STON2: variants seen among roughly 807,000 people sequenced by gnomAD.
The protein encoded by STON2 is stonin-2.
STON2 carries 29 observed loss-of-function variants against 65.7 expected under a neutral mutation model. The ratio of observed to expected loss-of-function variants is 0.44; its 90% confidence interval spans 0.33 to 0.60. The LOEUF is 0.60. Among genes scored for constraint, STON2 ranks in the 20% least tolerant of loss-of-function variants. STON2 has a pLI of 0.03. For synonymous variants in STON2, 404 were observed against 414.2 expected, an observed-to-expected ratio of 0.98 and a Z score of 0.30; for missense variants, 1,054 against 1,118.1, an observed-to-expected ratio of 0.94 and a Z score of 0.82.
intron 5 of STON2, among the ~76,000 whole-genome samples, chr14:81,321,665 G>A (rs938870886): frequency 9.2e-5 from 14 of 152,184 alleles, no homozygotes. Flanking sequence ...GTTGCCTTAG[G>A]AAAGCCAAAT....
rs79881390 is a variant in STON2 at position 81,276,454 on chromosome 14, G to A, written c.2581+447C>T. Among the ~76,000 whole-genome samples, 1,501 of 152,260 alleles carry A rather than the reference G, an allele frequency of 9.9e-3. 25 individuals are homozygous for A. The highest frequency in any genetic ancestry group is 0.035 in the African/African-American group (1,441 of 41,556). On this transcript the variant is annotated intron_variant, in intron 6 of 7. Transcript: ENST00000614646. ...GACCCTGCACAGGGTAGCTGGAGTC[G>A]TAAAATTAACCTCTCAGTGTATTGT... is the stretch of plus-strand genomic sequence containing the variant.
At chr14:81,319,289 T>TA (rs1297226686) in intron 5 of STON2, among the ~76,000 whole-genome samples, 2 of 152,252 alleles carry the variant, frequency 1.3e-5, no homozygotes, top group African/African-American at 2.4e-5. Flanking sequence ...TTTGTTTTCT[T>TA]ACTACATTAT....
intron 5 of STON2, among the ~76,000 whole-genome samples, chr14:81,313,532 T>C (rs1313282433): frequency 1.3e-5 from 2 of 151,082 alleles, no homozygotes; most frequent in African/African-American, 2.4e-5. Context: ...TGGTGGCTCA[T>C]GCCTGTAATC....
Position 81,265,074 on chromosome 14 carries a change from C to CCA in STON2, c.*3338_*3339dup, listed in dbSNP as rs982836485. ...TATTGATAACAAAGATTATTTGTGA[C>CCA]CACAAAAAAAAAAAATAAAAAGTCC... On this transcript the variant is annotated 3_prime_UTR_variant, in exon 8 of 8. Coordinates refer to ENST00000614646, the MANE Select transcript of STON2 (RefSeq NM_001394390.1). 2 of 980,988 alleles carry CCA rather than the reference C, an allele frequency of 2.0e-6. No homozygotes were observed. The highest frequency in any genetic ancestry group is 3.5e-5 in the African/African-American group (2 of 56,476). 60.8% of individuals were successfully genotyped at this position (980,988 alleles called of 1,614,324 possible).
chr14:81,350,799 G>A (rs564967343), intron 4 of STON2, among the ~76,000 whole-genome samples: 66 of 152,150 alleles, frequency 4.3e-4, no homozygotes, highest in African/African-American at 1.3e-3. Flanking sequence ...ATAAACACTC[G>A]CGGGGGTACT....
intron 3 of STON2, among the ~76,000 whole-genome samples, chr14:81,387,277 T>C (rs907865549): frequency 6.6e-6 from 1 of 152,052 alleles, no homozygotes; most frequent in Non-Finnish European, 1.5e-5. Context: ...TTTTTCACCA[T>C]ACAACCTTAA....
chr14:81,337,221 G>A (rs1897406490), intron 4 of STON2, among the ~76,000 whole-genome samples: 1 of 152,140 alleles, frequency 6.6e-6, no homozygotes, highest in Non-Finnish European at 1.5e-5. Context: ...ATACTACTAT[G>A]GGTAACATGT....
intron 3 of STON2, among the ~76,000 whole-genome samples, chr14:81,381,615 C>T (rs1372356670): frequency 6.6e-6 from 1 of 152,152 alleles, no homozygotes; most frequent in Non-Finnish European, 1.5e-5. Context: ...GATCCTGTTA[C>T]CCTTCCCCCT....
At chr14:81,393,608 A>G (rs1283519259) in intron 3 of STON2, among the ~76,000 whole-genome samples, 2 of 152,222 alleles carry the variant, frequency 1.3e-5, no homozygotes, top group African/African-American at 4.8e-5. Flanking sequence ...ATTAATATTA[A>G]TACCTTCCTC....
chr14:81,342,175 T>C (rs1226633931), intron 4 of STON2, among the ~76,000 whole-genome samples: 1 of 152,068 alleles, frequency 6.6e-6, no homozygotes, highest in Non-Finnish European at 1.5e-5. Context: ...AGTTTCACTC[T>C]TGTTGCCCGG....
chr14:81,271,905 A>T (rs149192923), intron 6 of STON2, among the ~76,000 whole-genome samples: 29 of 152,284 alleles, frequency 1.9e-4, no homozygotes, highest in African/African-American at 5.8e-4. Context: ...TAGTCGAGGA[A>T]GCTAAGGCTT....
chr14:81,368,865 G>T (rs969730729), intron 4 of STON2, among the ~76,000 whole-genome samples: 5 of 152,134 alleles, frequency 3.3e-5, no homozygotes, highest in Admixed American at 1.3e-4. Flanking sequence ...AAACTCTGGC[G>T]TAGGGGCCAG....
intron 4 of STON2, among the ~76,000 whole-genome samples, chr14:81,355,282 TAC>T (rs1030331013): frequency 6.6e-6 from 1 of 152,004 alleles, no homozygotes; most frequent in African/African-American, 2.4e-5. Flanking sequence ...AACATCCAGG[TAC>T]AGGAAGTGCA....
At chr14:81,318,340 G>A (rs1896701541) in intron 5 of STON2, among the ~76,000 whole-genome samples, 2 of 152,060 alleles carry the variant, frequency 1.3e-5, no homozygotes, top group South Asian at 4.1e-4. Context: ...CACATCACGA[G>A]GAGCAGAAGA....
chr14:81,378,799 T>C (rs563693179), intron 3 of STON2, among the ~76,000 whole-genome samples: 27 of 152,228 alleles, frequency 1.8e-4, no homozygotes, highest in Non-Finnish European at 3.7e-4. Context: ...TCAATTAATG[T>C]AATTCACTGC....
In STON2 at chr14:81,371,014, C is replaced by T. The variant is rs752264903; in HGVS notation, c.545G>A (p.Gly182Asp). 1 of 1,612,940 alleles carries T rather than the reference C, an allele frequency of 6.2e-7. No individual in the cohort carries two copies. The highest frequency in any genetic ancestry group is 1.1e-5 in the South Asian group (1 of 91,022). Residue 182 changes from glycine (G) to aspartate (D), a missense_variant, in exon 4 of 8, where the codon GGC becomes GAC. Gly to Asp is a moderately conservative substitution (Grantham distance 94). Transcript: ENST00000614646. ...AGTTGAGTCAGCCCCAGAAGCCTGG[C>T]CACTCGTCTGCTCCTCAGCATTGAT... Reference protein sequence around the residue: ...QLINAEEQTSGQASGADSTDK... With the variant: ...QLINAEEQTSDQASGADSTDK...
chr14:81,292,172 T>C (rs1226606571), intron 5 of STON2, among the ~76,000 whole-genome samples: 1 of 152,212 alleles, frequency 6.6e-6, no homozygotes, highest in Non-Finnish European at 1.5e-5. Flanking sequence ...CTAGAAAGTC[T>C]TAAAACCAGC....
chr14:81,309,517 A>G (rs1038810179), intron 5 of STON2, among the ~76,000 whole-genome samples: 5 of 152,160 alleles, frequency 3.3e-5, no homozygotes, highest in Admixed American at 3.3e-4. Flanking sequence ...TCCTTGAGAA[A>G]ATCTATTAAT....
chr14:81,340,363 T>C (rs1169153859), intron 4 of STON2, among the ~76,000 whole-genome samples: 1 of 152,148 alleles, frequency 6.6e-6, no homozygotes, highest in Non-Finnish European at 1.5e-5. Flanking sequence ...AGTGGATACG[T>C]TCATTATCTT....
Sources: allele counts gnomAD v4.1 joint callset (sites outside exome capture counted in the v4.1 genomes callset), GRCh38; gene constraint gnomAD v4.1.1; transcripts MANE v1.5; gene names NCBI Gene and HGNC (gene_info 2026-07-23, HGNC 2026-07-21).